The following BRINP1 variants were observed in gnomAD, a reference collection of about 807,000 sequenced individuals.
BRINP1 encodes the protein BMP/retinoic acid-inducible neural-specific protein 1.
In BRINP1, 17 loss-of-function variants were observed where a neutral mutation model predicts 72.9. The observed-to-expected ratio is 0.23, with a 90% CI of 0.16 to 0.35. The LOEUF (loss-of-function observed/expected upper bound fraction) is 0.35, where lower values mean the gene tolerates loss of function less well. Among genes scored for constraint, BRINP1 ranks in the 10% least tolerant of loss-of-function variants. The pLI is 1.00. For missense variants in BRINP1, 850 were observed against 1,001.6 expected (o/e 0.85, Z 2.04); for synonymous variants, 418 against 378.5 (o/e 1.10, Z -1.21).
intron 1 of BRINP1, among the ~76,000 whole-genome samples, chr9:119,341,775 T>G (rs992053440): frequency 2.6e-5 from 4 of 152,156 alleles, no homozygotes; most frequent in African/African-American, 7.2e-5. Context: ...TTATTATTAT[T>G]ATTATTGAGA....
intron 1 of BRINP1, among the ~76,000 whole-genome samples, chr9:119,345,742 G>A (rs150013603): frequency 6.6e-6 from 1 of 152,152 alleles, no homozygotes; most frequent in Non-Finnish European, 1.5e-5. Flanking sequence ...CCAAATCAAC[G>A]TGGACTCCCT....
intron 2 of BRINP1, among the ~76,000 whole-genome samples, chr9:119,293,216 C>A (rs962691124): frequency 6.6e-6 from 1 of 151,370 alleles, no homozygotes; most frequent in African/African-American, 2.4e-5. Context: ...GGAAAAGGTG[C>A]TAAAATATAT....
intron 3 of BRINP1, among the ~76,000 whole-genome samples, chr9:119,244,818 T>C (rs914529968): frequency 6.6e-6 from 1 of 152,226 alleles, no homozygotes; most frequent in Non-Finnish European, 1.5e-5. Context: ...TCGCCCCACA[T>C]AGGCCTTTTC....
chr9:119,331,490 A>G (rs2119012643), intron 1 of BRINP1, among the ~76,000 whole-genome samples: 1 of 152,354 alleles, frequency 6.6e-6, no homozygotes, highest in South Asian at 2.1e-4. Flanking sequence ...TTTGTCAACA[A>G]CATCTGCATC....
At chr9:119,289,832 T>A (rs559037986) in intron 2 of BRINP1, among the ~76,000 whole-genome samples, 21 of 152,204 alleles carry the variant, frequency 1.4e-4, no homozygotes, top group Admixed American at 3.3e-4. Flanking sequence ...ATTGATACAA[T>A]CCTGTCATCT....
At chr9:119,234,647 C>A (rs1490247592) in intron 5 of BRINP1, among the ~76,000 whole-genome samples, 1 of 151,734 alleles carries the variant, frequency 6.6e-6, no homozygotes, top group East Asian at 1.9e-4. Flanking sequence ...ATTTATTAGC[C>A]TTTTTTTCTT....
chr9:119,233,519 C>G (rs1830165914), intron 5 of BRINP1, among the ~76,000 whole-genome samples: 1 of 152,158 alleles, frequency 6.6e-6, no homozygotes, highest in Non-Finnish European at 1.5e-5. Flanking sequence ...TCAGTTCATG[C>G]AGCCTGTCCT....
chr9:119,271,839 T>C (rs901691616), intron 2 of BRINP1, among the ~76,000 whole-genome samples: 2 of 151,926 alleles, frequency 1.3e-5, no homozygotes, highest in African/African-American at 4.8e-5. Context: ...GGAGAGAATT[T>C]GAGAGGATAC....
chr9:119,297,323 G>A (rs1830891346), intron 2 of BRINP1, among the ~76,000 whole-genome samples: 1 of 152,172 alleles, frequency 6.6e-6, no homozygotes, highest in South Asian at 2.1e-4. Context: ...GAGGACACGG[G>A]CTCCTTGGTT....
intron 2 of BRINP1, among the ~76,000 whole-genome samples, chr9:119,301,585 C>G (rs1196620090): frequency 2.6e-5 from 4 of 152,144 alleles, no homozygotes; most frequent in Non-Finnish European, 4.4e-5. Context: ...GGTGAGGGAG[C>G]TGTTCTGTCT....
At position 119,284,254 on chromosome 9, in the gene BRINP1, A is replaced by G. The variant is rs1830739177; in HGVS notation, c.218+28884T>C. ...GATGCTCAGATTTTACAAATTCCAT[A>G]CTATCCAGAGACTTGATTATCCAAT... On this transcript the variant is annotated intron_variant, in intron 2 of 7. Coordinates refer to ENST00000265922, the MANE Select transcript of BRINP1 (RefSeq NM_014618.3). 2.0e-5 allele frequency among the ~76,000 whole-genome samples: 3 copies of G among 152,274 alleles called. No homozygotes were observed. In the South Asian group the frequency reaches 6.2e-4, roughly 32 times the overall value.
Position 119,313,142 on chromosome 9 carries a change from A to G in BRINP1, c.214T>C (p.Tyr72His), listed in dbSNP as rs138264825. 1.9e-6 allele frequency: 3 copies of G among 1,613,606 alleles called. No individual in the cohort carries two copies. The highest frequency in any genetic ancestry group is 1.7e-5 in the Admixed American group (1 of 59,996). ...RQGFTTRYKIYREFARWKVRN... is the reference protein window; with the variant it reads ...RQGFTTRYKIHREFARWKVRN... ...GCTATTTAGCCCAGGTCTTACCTGT[A>G]TATTTTATATCTGGTTGTAAATCCT... The change falls in exon 2 of 8, where the codon TAC becomes CAC. Residue 72 changes from tyrosine to histidine, a missense_variant. Physicochemically the swap from Tyr to His is moderately conservative, Grantham distance 83 (BLOSUM62 2). Coordinates refer to ENST00000265922, the MANE Select transcript of BRINP1 (RefSeq NM_014618.3).
At chr9:119,230,617 A>T (rs1189124143) in intron 5 of BRINP1, among the ~76,000 whole-genome samples, 4 of 151,986 alleles carry the variant, frequency 2.6e-5, no homozygotes, top group Non-Finnish European at 5.9e-5. Flanking sequence ...GTCCGGGTGC[A>T]TGAGTGATAG....
Position 119,214,049 on chromosome 9 carries a change from C to T in BRINP1, c.792G>A (p.Gln264=). The change falls in exon 6 of 8, where the codon CAG becomes CAA. Residue 264 remains glutamine (Q), a synonymous_variant. Transcript: ENST00000265922. ...ACTCCTCGGCACATTGGCAGCGACA[C>T]TGGCTGTTCTGGCACAGGTACTCCC... The part of the protein sequence containing the change: ...GEGEYLCQNS[Q]CRCQCAEEFP... The T allele has an allele frequency of 6.2e-7, 1 of 1,614,196 alleles. No individual in the cohort carries two copies. Among genetic ancestry groups the T allele is most frequent in the Non-Finnish European group, 8.5e-7 (1 of 1,180,026 alleles).
intron 2 of BRINP1, chr9:119,283,152 A>G: frequency 1.0e-6 from 1 of 985,040 alleles, no homozygotes; most frequent in Admixed American, 6.1e-5. Flanking sequence ...AAATGAGATC[A>G]TTTGTTCTTT....
chr9:119,187,834 G>T (rs1318043346), intron 7 of BRINP1, among the ~76,000 whole-genome samples: 1 of 152,102 alleles, frequency 6.6e-6, no homozygotes, highest in Non-Finnish European at 1.5e-5. Context: ...AAAACTTCAA[G>T]ATCTGGGAGA....
At chr9:119,325,312 T>C (rs28655687) in intron 1 of BRINP1, among the ~76,000 whole-genome samples, 29 of 152,256 alleles carry the variant, frequency 1.9e-4, no homozygotes, top group African/African-American at 7.0e-4. Context: ...CTCTCAAACT[T>C]TCCTGTCTCC....
Position 119,294,853 on chromosome 9 carries a change from T to TTAAAAAA in BRINP1, c.218+18284_218+18285insTTTTTTA, listed in dbSNP as rs1354198615. On this transcript the variant is annotated intron_variant, in intron 2 of 7. Transcript: ENST00000265922. Reference sequence around the variant, plus strand: ...CCTGAGCAACAGAGTGACACTACGTTAAAAAAAAAAAAAAAAAAGACACAC... The same window carrying TTAAAAAA: ...CCTGAGCAACAGAGTGACACTACGTTTAAAAAAAAAAAAAAAAAAAAAAAAGACACAC... Among the ~76,000 whole-genome samples, 3 of 128,034 alleles carry TTAAAAAA rather than the reference T, an allele frequency of 2.3e-5. 1 individual carries two copies. The highest frequency in any genetic ancestry group is 2.5e-4 in the South Asian group (1 of 3,922). 84.0% of individuals were successfully genotyped at this position (128,034 alleles called of 152,430 possible).
intron 2 of BRINP1, among the ~76,000 whole-genome samples, chr9:119,280,010 C>T (rs1262069953): frequency 1.3e-5 from 2 of 151,938 alleles, no homozygotes; most frequent in African/African-American, 4.8e-5. Flanking sequence ...AAGATCATAA[C>T]ATCTTTTGTT....
Sources: allele counts gnomAD v4.1 joint callset (sites outside exome capture counted in the v4.1 genomes callset), GRCh38; gene constraint gnomAD v4.1.1; transcripts MANE v1.5; gene names NCBI Gene and HGNC (gene_info 2026-07-23, HGNC 2026-07-21).